The following KIRREL3 variants were observed in gnomAD, a reference collection of about 807,000 sequenced individuals.
KIRREL3 encodes the protein kirre like nephrin family adhesion molecule 3.
Under a neutral mutation model 89.7 loss-of-function variants are expected in KIRREL3, and 36 were observed. The ratio of observed to expected loss-of-function variants is 0.40; its 90% CI spans 0.31 to 0.53. The LOEUF (loss-of-function observed/expected upper bound fraction) is 0.53, where lower values mean the gene tolerates loss of function less well. Ranked by LOEUF, KIRREL3 falls within the 20% of genes least tolerant of loss-of-function variation. KIRREL3 has a pLI of 0.49. For missense variants in KIRREL3, 864 were observed against 1,056.6 expected, an observed-to-expected ratio of 0.82 and a Z score of 2.53; for synonymous variants, 445 against 441.4, an observed-to-expected ratio of 1.01 and a Z score of -0.10.
intron 1 of KIRREL3, among the ~76,000 whole-genome samples, chr11:126,914,442 G>A (rs1337275108): frequency 2.6e-5 from 4 of 152,224 alleles, no homozygotes; most frequent in African/African-American, 7.2e-5. Context: ...AGAGAGTGCA[G>A]AATCCTGGAA....
chr11:126,761,415 C>T lies in KIRREL3; in HGVS notation c.56-198503G>A, dbSNP rs1949663854. 6.6e-6 allele frequency among the ~76,000 whole-genome samples: 1 copy of T among 152,164 alleles called. No homozygotes were observed. The highest frequency in any genetic ancestry group is 1.5e-5 in the Non-Finnish European group (1 of 68,030). Reference sequence around the variant, plus strand: ...GCTTGTCCCCAGCAAAGGGCAGTGTCCAGAGTCCATTCTTCCTGCCTCATC... The same window carrying T: ...GCTTGTCCCCAGCAAAGGGCAGTGTTCAGAGTCCATTCTTCCTGCCTCATC... On this transcript the variant is annotated intron_variant, in intron 1 of 16. Coordinates refer to ENST00000525144, the MANE Select transcript of KIRREL3 (RefSeq NM_032531.4). The surrounding 1 kb of genome is among the most constrained non-coding windows in gnomAD (Gnocchi z 4.4).
intron 1 of KIRREL3, among the ~76,000 whole-genome samples, chr11:126,701,504 C>T (rs998562703): frequency 1.3e-5 from 2 of 152,124 alleles, no homozygotes; most frequent in Admixed American, 1.3e-4. Flanking sequence ...TGCAATCTCT[C>T]AGCCTGTGTC....
At chr11:126,927,730 G>A (rs1363907463) in intron 1 of KIRREL3, among the ~76,000 whole-genome samples, 4 of 152,168 alleles carry the variant, frequency 2.6e-5, no homozygotes, top group Non-Finnish European at 4.4e-5. Flanking sequence ...GAAAAACCAA[G>A]CATAGGAATG....
intron 1 of KIRREL3, among the ~76,000 whole-genome samples, chr11:126,885,181 CA>C (rs1945651250): frequency 6.6e-6 from 1 of 152,114 alleles, no homozygotes; most frequent in Non-Finnish European, 1.5e-5. Flanking sequence ...CTTACTTTTC[CA>C]TTTTTTACAT....
In KIRREL3 at chr11:126,954,004, G is replaced by C. The variant is rs1465110117; in HGVS notation, c.55+46451C>G. On this transcript the variant is annotated intron_variant, in intron 1 of 16. Coordinates refer to ENST00000525144, the MANE Select transcript of KIRREL3 (RefSeq NM_032531.4). This position sits in a 1 kb window ranked among gnomAD's most constrained non-coding sequence, Gnocchi z 4.1. ...CAAGATGCACATCTGTCAGAGGTGTGAGCCTGTGTGTGTGTGCACAGGGGT... is the reference window on the plus strand; with the variant it reads ...CAAGATGCACATCTGTCAGAGGTGTCAGCCTGTGTGTGTGTGCACAGGGGT... 1.3e-5 allele frequency among the ~76,000 whole-genome samples: 2 copies of C among 152,172 alleles called. No homozygotes were observed. The highest frequency in any genetic ancestry group is 4.8e-5 in the African/African-American group (2 of 41,444).
chr11:126,889,080 G>A (rs1474382783), intron 1 of KIRREL3, among the ~76,000 whole-genome samples: 5 of 152,134 alleles, frequency 3.3e-5, no homozygotes, highest in East Asian at 1.9e-4. Flanking sequence ...AAATAACGTC[G>A]TTAAAGTAGT....
rs796165512 is a variant in KIRREL3 at position 126,627,018 on chromosome 11, A to AAAC, written c.56-64107_56-64106insGTT. Among the ~76,000 whole-genome samples, 174 of 56,598 alleles carry AAAC rather than the reference A, an allele frequency of 3.1e-3. 2 individuals are homozygous for AAAC. The highest frequency in any genetic ancestry group is 8.0e-3 in the African/African-American group (171 of 21,496). 37.1% of individuals were successfully genotyped at this position (56,598 alleles called of 152,430 possible). Reference sequence around the variant, plus strand: ...ACTGTCTCAAGAAAAAAAAAAAACAAAAAAAAAAGAATAACCACAGTTTTG... The same window carrying AAAC: ...ACTGTCTCAAGAAAAAAAAAAAACAAAACAAAAAAAAGAATAACCACAGTTTTG... On this transcript the variant is annotated intron_variant, in intron 1 of 16. Transcript: ENST00000525144. The surrounding 1 kb of genome is among the most constrained non-coding windows in gnomAD (Gnocchi z 5.0).
chr11:126,700,851 C>T (rs1947288268), intron 1 of KIRREL3, among the ~76,000 whole-genome samples: 1 of 152,240 alleles, frequency 6.6e-6, no homozygotes, highest in South Asian at 2.1e-4. Flanking sequence ...CCACACCCTC[C>T]TCAGCAGTCT....
At chr11:126,779,479 G>A (rs1950262922) in intron 1 of KIRREL3, among the ~76,000 whole-genome samples, 1 of 152,052 alleles carries the variant, frequency 6.6e-6, no homozygotes, top group South Asian at 2.1e-4. Context: ...TCCCACCCAA[G>A]CAACACAATC....
chr11:126,569,284 T>G lies in KIRREL3; in HGVS notation c.56-6372A>C, dbSNP rs1275416837. 1.3e-5 allele frequency among the ~76,000 whole-genome samples: 2 copies of G among 152,198 alleles called. No homozygotes were observed. Among genetic ancestry groups the G allele is most frequent in the African/African-American group, 4.8e-5 (2 of 41,448 alleles). On this transcript the variant is annotated intron_variant, in intron 1 of 16. Coordinates refer to ENST00000525144, the MANE Select transcript of KIRREL3 (RefSeq NM_032531.4). The surrounding 1 kb of genome is among the most constrained non-coding windows in gnomAD (Gnocchi z 6.5). ...GGTTCTAAAGTGAAGAGGACTTGGA[T>G]GATCATGTGAGAAGGAGTTCTAGGC...
chr11:126,938,804 T>C (rs906667942), intron 1 of KIRREL3, among the ~76,000 whole-genome samples: 2 of 152,204 alleles, frequency 1.3e-5, no homozygotes, highest in African/African-American at 4.8e-5. Context: ...GATTACAAGA[T>C]GCACAGTACC....
intron 1 of KIRREL3, among the ~76,000 whole-genome samples, chr11:126,770,513 C>G (rs1048529373): frequency 6.6e-5 from 10 of 152,194 alleles, no homozygotes; most frequent in Non-Finnish European, 1.2e-4. Context: ...TTAACAGAAT[C>G]TTTTTAAAAA....
intron 1 of KIRREL3, among the ~76,000 whole-genome samples, chr11:126,603,794 G>T (rs955231055): frequency 2.0e-5 from 3 of 152,234 alleles, no homozygotes; most frequent in Non-Finnish European, 4.4e-5. Context: ...ATTGACCAGG[G>T]TTTCTGATGG....
chr11:126,892,940 T>C lies in KIRREL3; in HGVS notation c.55+107515A>G, dbSNP rs1005327374. 6.6e-6 allele frequency among the ~76,000 whole-genome samples: 1 copy of C among 152,216 alleles called. No homozygotes were observed. The highest frequency in any genetic ancestry group is 2.4e-5 in the African/African-American group (1 of 41,448). On this transcript the variant is annotated intron_variant, in intron 1 of 16. Transcript: ENST00000525144. This position sits in a 1 kb window ranked among gnomAD's most constrained non-coding sequence, Gnocchi z 5.4. ...CTGCAGAATCGGGCTAGGATAGGGCTGAGTATTCTAATTGCCTGTGGGATA... is the reference window on the plus strand; with the variant it reads ...CTGCAGAATCGGGCTAGGATAGGGCCGAGTATTCTAATTGCCTGTGGGATA...
chr11:126,922,041 TCTTC>T (rs1412520883), intron 1 of KIRREL3, among the ~76,000 whole-genome samples: 12 of 149,906 alleles, frequency 8.0e-5, no homozygotes, highest in Admixed American at 1.3e-4. Context: ...TATCTATCTA[TCTTC>T]CTATCTATCT....
At chr11:126,901,021 C>T (rs1002613535) in intron 1 of KIRREL3, among the ~76,000 whole-genome samples, 4 of 152,006 alleles carry the variant, frequency 2.6e-5, no homozygotes, top group African/African-American at 9.7e-5. Context: ...CGAGACCAGC[C>T]TGACAAACAT....
intron 1 of KIRREL3, among the ~76,000 whole-genome samples, chr11:126,803,008 G>C (rs565254317): frequency 6.6e-6 from 1 of 152,316 alleles, no homozygotes; most frequent in East Asian, 1.9e-4. Flanking sequence ...GTATTACAGA[G>C]TTAGCTAATT....
In KIRREL3 at chr11:126,620,532, A is replaced by C. The variant is rs1175409718; in HGVS notation, c.56-57620T>G. ...ACCATTGTCTATGGGGTGCCTGTGC[A>C]TGTGTGTTGTGTATGCATTTCTAGG... On this transcript the variant is annotated intron_variant, in intron 1 of 16. Transcript: ENST00000525144. This position sits in a 1 kb window ranked among gnomAD's most constrained non-coding sequence, Gnocchi z 4.8. 2.0e-5 allele frequency among the ~76,000 whole-genome samples: 3 copies of C among 152,172 alleles called. No homozygotes were observed. Among genetic ancestry groups the C allele is most frequent in the East Asian group, 3.9e-4 (2 of 5,190 alleles).
At position 126,634,106 on chromosome 11, in the gene KIRREL3, G is replaced by T. The variant is rs77803143; in HGVS notation, c.56-71194C>A. Among the ~76,000 whole-genome samples the T allele has an allele frequency of 1.2e-3, 182 of 152,284 alleles. 1 individual carries two copies. The highest frequency in any genetic ancestry group is 4.1e-3 in the Admixed American group (62 of 15,302). On this transcript the variant is annotated intron_variant, in intron 1 of 16. Coordinates refer to ENST00000525144, the MANE Select transcript of KIRREL3 (RefSeq NM_032531.4). ...CAAAGCTCCAGTTGGAAGGGAACAC[G>T]TTCTCTTTTTCTGGGGTGATCCAGT...
Sources: gnomAD v4.1 joint callset for allele counts (sites outside exome capture counted in the v4.1 genomes callset) on GRCh38, gnomAD v4.1.1 for gene constraint, Gnocchi (gnomAD v3.1) non-coding constraint, MANE v1.5 for transcripts, NCBI Gene and HGNC (gene_info 2026-07-23, HGNC 2026-07-21) for gene names.